The following PALM2AKAP2 variants were observed in gnomAD, a reference collection of about 807,000 sequenced individuals.
PALM2AKAP2 encodes PALM2 and AKAP2 fusion, also known as PALM2-AKAP2 fusion protein.
In PALM2AKAP2, 37 loss-of-function variants were observed where a neutral mutation model predicts 71.5. The ratio of observed to expected loss-of-function variants is 0.52; its 90% confidence interval spans 0.40 to 0.68. The LOEUF (loss-of-function observed/expected upper bound fraction) is 0.68, where lower values mean the gene tolerates loss of function less well. Ranked by LOEUF, PALM2AKAP2 falls within the 30% of genes least tolerant of loss-of-function variation. The pLI is 0.00. For synonymous variants in PALM2AKAP2, 468 were observed against 478.8 expected (o/e 0.98, Z 0.29); for missense variants, 1,224 against 1,191.8 (o/e 1.03, Z -0.40).
At chr9:109,953,051 G>C (rs931767362) in intron 6 of PALM2AKAP2, among the ~76,000 whole-genome samples, 1 of 152,214 alleles carries the variant, frequency 6.6e-6, no homozygotes, top group Non-Finnish European at 1.5e-5. Flanking sequence ...AGTATAGAAA[G>C]GGAAGCTGCT....
rs1833151332 is a variant in PALM2AKAP2 at position 110,025,049 on chromosome 9, G to A, written c.582+9010G>A. On this transcript the variant is annotated intron_variant, in intron 7 of 9. Transcript: ENST00000302798. Reference sequence around the variant, plus strand: ...GATCATTTTCCTTCACACATTTCAGGAAGCTATCTCGGCTCAGAGTGCTTA... The same window carrying A: ...GATCATTTTCCTTCACACATTTCAGAAAGCTATCTCGGCTCAGAGTGCTTA... 3 of 1,196,518 alleles carry A rather than the reference G, an allele frequency of 2.5e-6. No individual in the cohort carries two copies. In the African/African-American group the frequency reaches 4.5e-5, roughly 18 times the overall value. The allele number at this position is 1,196,518 out of a possible 1,614,324, so 74.1% of individuals were successfully genotyped here.
At chr9:109,954,001 C>T (rs1372622279) in intron 6 of PALM2AKAP2, among the ~76,000 whole-genome samples, 1 of 152,194 alleles carries the variant, frequency 6.6e-6, no homozygotes, top group Non-Finnish European at 1.5e-5. Context: ...AATTATACCA[C>T]CCCCTGGAGG....
chr9:109,962,271 T>A (rs963982041), intron 6 of PALM2AKAP2, among the ~76,000 whole-genome samples: 5 of 152,174 alleles, frequency 3.3e-5, no homozygotes, highest in African/African-American at 9.7e-5. Context: ...CTGGCAGAAC[T>A]AAAATATAGC....
chr9:109,644,659 G>T (rs937356898), intron 1 of PALM2AKAP2, among the ~76,000 whole-genome samples: 8 of 152,110 alleles, frequency 5.3e-5, no homozygotes, highest in Middle Eastern at 3.2e-3. Flanking sequence ...AAAACCGAAT[G>T]CCTTTAACAG....
intron 2 of PALM2AKAP2, among the ~76,000 whole-genome samples, chr9:109,879,359 G>T (rs1318068493): frequency 6.6e-6 from 1 of 152,218 alleles, no homozygotes; most frequent in African/African-American, 2.4e-5. Context: ...TTTCTGGGAA[G>T]AATTGTTCAT....
intron 1 of PALM2AKAP2, among the ~76,000 whole-genome samples, chr9:109,686,716 G>A (rs1381385879): frequency 6.6e-6 from 1 of 151,698 alleles, no homozygotes; most frequent in Non-Finnish European, 1.5e-5. Context: ...TAGGGTACAT[G>A]TACACAACAT....
chr9:109,693,102 G>T (rs1357141347), intron 1 of PALM2AKAP2, among the ~76,000 whole-genome samples: 5 of 151,866 alleles, frequency 3.3e-5, no homozygotes, highest in African/African-American at 1.2e-4. Flanking sequence ...AACATTTGGG[G>T]CTTGATATTT....
intron 1 of PALM2AKAP2, among the ~76,000 whole-genome samples, chr9:109,839,041 C>A (rs1828573652): frequency 6.6e-6 from 1 of 152,134 alleles, no homozygotes; most frequent in Admixed American, 6.5e-5. Flanking sequence ...TTTATGAGGC[C>A]AGCATCATCC....
At chr9:110,139,623 A>C (rs1368642891) in intron 2 of PALM2AKAP2, among the ~76,000 whole-genome samples, 2 of 151,924 alleles carry the variant, frequency 1.3e-5, no homozygotes, top group African/African-American at 4.9e-5. Context: ...ATCTTGGTCC[A>C]TCCATATCTT....
intron 2 of PALM2AKAP2, among the ~76,000 whole-genome samples, chr9:110,144,069 G>A (rs894129029): frequency 1.3e-5 from 2 of 152,184 alleles, no homozygotes; most frequent in African/African-American, 2.4e-5. Flanking sequence ...ATATGTTTGC[G>A]ACTGTCCACA....
intron 1 of PALM2AKAP2, among the ~76,000 whole-genome samples, chr9:110,118,174 A>T (rs916512646): frequency 1.0e-4 from 15 of 143,592 alleles, no homozygotes; most frequent in African/African-American, 3.6e-4. Flanking sequence ...AATATATATT[A>T]TATATATATA....
At chr9:109,708,261 G>T (rs1004898449) in intron 1 of PALM2AKAP2, among the ~76,000 whole-genome samples, 2 of 152,070 alleles carry the variant, frequency 1.3e-5, no homozygotes, top group African/African-American at 4.8e-5. Context: ...TTCTAAACAA[G>T]CCCATCACAT....
At chr9:109,746,076 C>T (rs73529195) in intron 1 of PALM2AKAP2, among the ~76,000 whole-genome samples, 6,377 of 152,190 alleles carry the variant, frequency 0.042, 272 homozygotes, top group African/African-American at 0.11. Flanking sequence ...GTTCACAGCC[C>T]GGGAGGAACA....
At chr9:109,880,415 T>G in intron 2 of PALM2AKAP2, 136 bp from the exon 3 acceptor site, 1 of 1,285,208 alleles carries the variant, frequency 7.8e-7, no homozygotes, top group Non-Finnish European at 1.1e-6. Context: ...TAGGGAGCCA[T>G]GTTAGTGAGG....
intron 1 of PALM2AKAP2, among the ~76,000 whole-genome samples, chr9:110,117,643 C>T (rs953162717): frequency 6.6e-6 from 1 of 152,096 alleles, no homozygotes; most frequent in Non-Finnish European, 1.5e-5. Flanking sequence ...AGAAGAAGGT[C>T]AGAGGGCAAA....
At chr9:109,761,360 T>A (rs1233131830) in intron 1 of PALM2AKAP2, among the ~76,000 whole-genome samples, 1 of 149,236 alleles carries the variant, frequency 6.7e-6, no homozygotes, top group Non-Finnish European at 1.5e-5. Flanking sequence ...AAGGATAGAA[T>A]TTTTTTTTCA....
At chr9:109,723,737 G>A (rs528770755) in intron 1 of PALM2AKAP2, among the ~76,000 whole-genome samples, 4 of 152,178 alleles carry the variant, frequency 2.6e-5, no homozygotes, top group Non-Finnish European at 2.9e-5. Context: ...CTGCAAAAAA[G>A]CAAAGGTGGT....
At chr9:110,028,483 C>CAT (rs1833220512) in intron 7 of PALM2AKAP2, among the ~76,000 whole-genome samples, 1 of 152,144 alleles carries the variant, frequency 6.6e-6, no homozygotes, top group Admixed American at 6.5e-5. Flanking sequence ...CTCCAGATGA[C>CAT]TCTGCTAAGG....
intron 1 of PALM2AKAP2, among the ~76,000 whole-genome samples, chr9:109,787,637 A>G (rs1316983440): frequency 3.9e-5 from 6 of 152,364 alleles, no homozygotes; most frequent in African/African-American, 1.4e-4. Context: ...CCTCTCAGTT[A>G]AGATGCAGTT....
Sources: allele counts gnomAD v4.1 joint callset (sites outside exome capture counted in the v4.1 genomes callset), GRCh38; gene constraint gnomAD v4.1.1; transcripts MANE v1.5; gene names NCBI Gene and HGNC (gene_info 2026-07-23, HGNC 2026-07-21).